The following C1QTNF3 variants were observed in gnomAD, a reference collection of about 807,000 sequenced individuals.
The protein encoded by C1QTNF3 is C1q and TNF related 3.
In C1QTNF3, 26 loss-of-function variants were observed where a neutral mutation model predicts 32.6. The ratio of observed to expected loss-of-function variants is 0.80; its 90% confidence interval spans 0.58 to 1.11. C1QTNF3 has a LOEUF of 1.11. Ranked by LOEUF, C1QTNF3 falls within the 50% of genes least tolerant of loss-of-function variation. The pLI is 0.00. For synonymous variants in C1QTNF3, 155 were observed against 146.0 expected (o/e 1.06, Z -0.44); for missense variants, 362 against 398.2 (o/e 0.91, Z 0.77).
chr5:34,138,711 A>T, the C1QTNF3 span, among the ~76,000 whole-genome samples: 1 of 152,212 alleles, frequency 6.6e-6, no homozygotes, highest in Non-Finnish European at 1.5e-5. Context: ...TCTTTGAGGT[A>T]CATTAATCAA....
chr5:34,047,508 G>A (rs924670353), upstream of C1QTNF3, among the ~76,000 whole-genome samples: 18 of 152,196 alleles, frequency 1.2e-4, no homozygotes, highest in African/African-American at 2.2e-4. Context: ...TGGACTGAAC[G>A]TGTCTTTGTA....
intron 1 of C1QTNF3, among the ~76,000 whole-genome samples, chr5:34,040,594 T>C (rs1212426312): frequency 7.2e-5 from 11 of 152,104 alleles, no homozygotes; most frequent in Admixed American, 7.2e-4. Flanking sequence ...CTGGAGCATC[T>C]TTCCAGACCA....
Position 34,035,757 on chromosome 5 carries a change from G to T in C1QTNF3, c.305C>A (p.Ser102Tyr). Residue 102 changes from serine to tyrosine, a missense_variant and splice_region_variant, in exon 2 of 6, where the codon TCT (serine) becomes TAT (tyrosine). Ser to Tyr is a moderately radical substitution (Grantham distance 144, BLOSUM62 -2). Coordinates refer to ENST00000382065, the MANE Select transcript of C1QTNF3 (RefSeq NM_181435.6). ...LAQITTFWGQ[S>Y]PQTGGLPPDC... is the part of the protein sequence containing the mutation. ...TGGGGGTAGTCCTCCGGTTTGTGGA[G>T]ACTAAAAAGACAGAAAGAGAAGCTT... 6.2e-7 allele frequency: 1 copy of T among 1,606,930 alleles called. No individual in the cohort carries two copies. The highest frequency in any genetic ancestry group is 1.3e-5 in the African/African-American group (1 of 74,672).
the C1QTNF3 span, among the ~76,000 whole-genome samples, chr5:34,203,541 C>T: frequency 1.3e-5 from 2 of 151,546 alleles, no homozygotes; most frequent in African/African-American, 4.8e-5. Context: ...CAAAAATTAG[C>T]CAGGCGTGGT....
chr5:34,030,679 A>G (rs1469876765), intron 3 of C1QTNF3, among the ~76,000 whole-genome samples: 4 of 152,218 alleles, frequency 2.6e-5, no homozygotes, highest in African/African-American at 9.6e-5. Flanking sequence ...CATGGAATCA[A>G]TCTAAATTCC....
At chr5:34,183,393 C>T in the C1QTNF3 span, among the ~76,000 whole-genome samples, 1 of 115,404 alleles carries the variant, frequency 8.7e-6, no homozygotes, top group African/African-American at 3.4e-5. Flanking sequence ...TGTAGTGCTG[C>T]GATCCTGACT....
chr5:34,022,785 T>G (rs1385045252), intron 5 of C1QTNF3, among the ~76,000 whole-genome samples: 1 of 152,260 alleles, frequency 6.6e-6, no homozygotes, highest in Non-Finnish European at 1.5e-5. Context: ...TTTCTCCTTC[T>G]GACTCTGGCA....
the C1QTNF3 span, among the ~76,000 whole-genome samples, chr5:34,048,382 C>G: frequency 1.7e-4 from 25 of 151,368 alleles, no homozygotes; most frequent in South Asian, 6.3e-4. Flanking sequence ...AGGCTCCAAA[C>G]AGAGAAACAG....
the C1QTNF3 span, among the ~76,000 whole-genome samples, chr5:34,054,879 C>T: frequency 6.6e-6 from 1 of 152,124 alleles, no homozygotes; most frequent in Non-Finnish European, 1.5e-5. Context: ...TGATTATCAT[C>T]ATCACTACTC....
chr5:34,068,894 T>A, the C1QTNF3 span, among the ~76,000 whole-genome samples: 39 of 152,294 alleles, frequency 2.6e-4, no homozygotes, highest in East Asian at 7.7e-4. Context: ...TGATTAGTTA[T>A]AGATATCCAT....
the C1QTNF3 span, among the ~76,000 whole-genome samples, chr5:34,139,353 T>C: frequency 6.6e-6 from 1 of 152,084 alleles, no homozygotes; most frequent in African/African-American, 2.4e-5. Flanking sequence ...TTTACCCAAC[T>C]TCTTTAAGTA....
the C1QTNF3 span, among the ~76,000 whole-genome samples, chr5:34,176,380 G>A: frequency 6.7e-6 from 1 of 148,530 alleles, no homozygotes; most frequent in African/African-American, 2.5e-5. Context: ...ATGTGCACAT[G>A]TACCCTAAAA....
intron 2 of C1QTNF3, among the ~76,000 whole-genome samples, chr5:34,035,089 C>T (rs916609242): frequency 2.0e-5 from 3 of 152,090 alleles, no homozygotes; most frequent in African/African-American, 4.8e-5. Context: ...CTGGACTGAC[C>T]CAGGGTACCA....
At chr5:34,147,752 A>C in the C1QTNF3 span, among the ~76,000 whole-genome samples, 95 of 152,298 alleles carry the variant, frequency 6.2e-4, 1 homozygote, top group African/African-American at 2.2e-3. Flanking sequence ...GCATACCCCA[A>C]ACCTCAGCAT....
At chr5:34,060,521 A>AT in the C1QTNF3 span, among the ~76,000 whole-genome samples, 1 of 152,216 alleles carries the variant, frequency 6.6e-6, no homozygotes, top group Non-Finnish European at 1.5e-5. Context: ...CATGCTGTTA[A>AT]TAAAAACTTA....
rs752124283 is a variant in C1QTNF3 at position 34,042,918 on chromosome 5, T to C, written c.208A>G (p.Asn70Asp). 1.2e-6 allele frequency: 2 copies of C among 1,614,194 alleles called. No homozygotes were observed. Among genetic ancestry groups the C allele is most frequent in the Non-Finnish European group, 1.7e-6 (2 of 1,180,018 alleles). ...RSHPKTGTVD[N>D]NTSTDLKSLR... ...GATTTTAGGTCTGTAGAAGTGTTATTATCCACAGTCCCAGTTTTAGGATGG... is the reference window on the plus strand; with the variant it reads ...GATTTTAGGTCTGTAGAAGTGTTATCATCCACAGTCCCAGTTTTAGGATGG... The change falls in exon 1 of 6, where the codon AAT becomes GAT. Residue 70 changes from asparagine (N) to aspartate (D), a missense_variant. Coordinates refer to ENST00000382065, the MANE Select transcript of C1QTNF3 (RefSeq NM_181435.6).
chr5:34,089,748 A>G, the C1QTNF3 span, among the ~76,000 whole-genome samples: 2 of 152,244 alleles, frequency 1.3e-5, no homozygotes, highest in Non-Finnish European at 2.9e-5. Flanking sequence ...CTCAAAAAAT[A>G]CTAGCATGCA....
At chr5:34,057,559 G>T in the C1QTNF3 span, among the ~76,000 whole-genome samples, 1 of 152,140 alleles carries the variant, frequency 6.6e-6, no homozygotes, top group East Asian at 1.9e-4. Context: ...TTTCCAGTTT[G>T]TTCTCTACAA....
the C1QTNF3 span, among the ~76,000 whole-genome samples, chr5:34,147,897 C>T: frequency 1.3e-5 from 2 of 152,162 alleles, no homozygotes. Flanking sequence ...CAGCTCCCAG[C>T]GTGAGCGACG....
Sources: allele counts gnomAD v4.1 joint callset (sites outside exome capture counted in the v4.1 genomes callset), GRCh38; gene constraint gnomAD v4.1.1; transcripts MANE v1.5; gene names NCBI Gene and HGNC (gene_info 2026-07-23, HGNC 2026-07-21).